AKAP9: variants seen among roughly 807,000 people sequenced by gnomAD.
AKAP9 encodes A-kinase anchoring protein 9, also known as A-kinase anchor protein 9.
In AKAP9, 311 loss-of-function variants were observed where a neutral mutation model predicts 488.5. The observed-to-expected ratio is 0.64, with a 90% CI of 0.58 to 0.70. The LOEUF is 0.70. Among genes scored for constraint, AKAP9 ranks in the 30% least tolerant of loss-of-function variants. The pLI, the probability that AKAP9 is intolerant of heterozygous loss-of-function variation, is 0.00. For synonymous variants in AKAP9, 1,462 were observed against 1,483.5 expected, an observed-to-expected ratio of 0.99 and a Z score of 0.33; for missense variants, 4,215 against 4,374.5, an observed-to-expected ratio of 0.96 and a Z score of 1.03.
Position 92,096,779 on chromosome 7 carries a change from C to A in AKAP9, c.9820C>A (p.Gln3274Lys). 1 of 1,614,152 alleles carries A rather than the reference C, an allele frequency of 6.2e-7. No homozygotes were observed. The stretch of plus-strand genomic sequence containing the variant: ...ACAGAAACAACTACTGAACGAATCC[C>A]AGCAAAAAATAGAATCACAGAGAAT... ...EQQKQLLNES[Q>K]QKIESQRMLY... The change falls in exon 41 of 50, where the codon CAG becomes AAG. Residue 3274 changes from glutamine (Q) to lysine (K), a missense_variant. Physicochemically the swap from Gln to Lys is moderately conservative, Grantham distance 53 (BLOSUM62 1). Transcript: ENST00000356239.
At chr7:91,948,605 CTTTTTTTTTTTT>C (rs55928500) in intron 1 of AKAP9, among the ~76,000 whole-genome samples, 5 of 107,560 alleles carry the variant, frequency 4.6e-5, no homozygotes, top group East Asian at 2.5e-4. Context: ...TTGTAGATTT[CTTTTTTTTTTTT>C]TTTTTTTTTT....
At chr7:92,097,416 T>C in intron 41 of AKAP9, 59 bp downstream of exon 41, 2 of 1,580,456 alleles carry the variant, frequency 1.3e-6, no homozygotes, top group Non-Finnish European at 1.7e-6. Flanking sequence ...CCTTTGATCA[T>C]TAAATTTTGA....
Position 92,102,727 on chromosome 7 carries a change from G to T in AKAP9, c.11231G>T (p.Gly3744Val). Residue 3744 changes from glycine to valine, a missense_variant, in exon 46 of 50, where the codon GGG becomes GTG. By Grantham distance (109) the Gly-to-Val change is moderately radical. Transcript: ENST00000356239. The part of the protein sequence containing the change: ...DATLALLARM[G>V]GQPAFTDLEV... ...ACCTTGGCCCTGCTTGCCCGGATGG[G>T]GGGGCAGCCAGCTTTCACGGATCTA... 6.2e-7 allele frequency: 1 copy of T among 1,614,212 alleles called. No homozygotes were observed. Among genetic ancestry groups the T allele is most frequent in the Non-Finnish European group, 8.5e-7 (1 of 1,180,042 alleles).
chr7:92,109,796 C>A (rs1819073534), intron 49 of AKAP9, among the ~76,000 whole-genome samples: 1 of 152,044 alleles, frequency 6.6e-6, no homozygotes, highest in African/African-American at 2.4e-5. Context: ...ACTAAAAATA[C>A]AAAAATTTGC....
In AKAP9 at chr7:92,070,967, A is replaced by G. The variant is rs1264024189; in HGVS notation, c.6570A>G (p.Gln2190=). Reference sequence around the variant, plus strand: ...AACCAGAATTGTCCCTAGAAGTACAATTGCAGGCTGAACGAGATGCCATAG... The same window carrying G: ...AACCAGAATTGTCCCTAGAAGTACAGTTGCAGGCTGAACGAGATGCCATAG... ...EAKPELSLEV[Q]LQAERDAIDR... is the part of the protein sequence containing the mutation. The change falls in exon 28 of 50, where the codon CAA becomes CAG. Residue 2190 remains glutamine (Q), a synonymous_variant. Coordinates refer to ENST00000356239, the MANE Select transcript of AKAP9 (RefSeq NM_005751.5). 3 of 1,614,100 alleles carry G rather than the reference A, an allele frequency of 1.9e-6. No homozygotes were observed. The highest frequency in any genetic ancestry group is 1.1e-5 in the South Asian group (1 of 91,078).
At chr7:92,048,363 T>C (rs1414983750) in intron 21 of AKAP9, among the ~76,000 whole-genome samples, 1 of 152,222 alleles carries the variant, frequency 6.6e-6, no homozygotes, top group Non-Finnish European at 1.5e-5. Context: ...TGCTAATATT[T>C]GCTTCCTCAT....
chr7:91,973,312 T>C (rs1795306114), intron 1 of AKAP9, among the ~76,000 whole-genome samples: 1 of 152,074 alleles, frequency 6.6e-6, no homozygotes, highest in Admixed American at 6.5e-5. Flanking sequence ...GCCCAGAAAG[T>C]TGAGGTGAGC....
intron 45 of AKAP9, among the ~76,000 whole-genome samples, chr7:92,101,923 A>G (rs945337553): frequency 1.3e-5 from 2 of 152,052 alleles, no homozygotes; most frequent in Non-Finnish European, 2.9e-5. Flanking sequence ...TCGGGAGGCC[A>G]AGGTGGGTGG....
chr7:92,070,850 T>G, intron 27 of AKAP9, 55 bp from the exon 28 acceptor site: 8 of 1,118,142 alleles, frequency 7.2e-6, no homozygotes, highest in African/African-American at 1.7e-5. Flanking sequence ...AAAAAAAAAC[T>G]GGATAATCAG....
chr7:92,109,771 T>A (rs1330469123), intron 49 of AKAP9, among the ~76,000 whole-genome samples: 1 of 152,066 alleles, frequency 6.6e-6, no homozygotes, highest in Non-Finnish European at 1.5e-5. Context: ...GCCAACATGG[T>A]GAAACCCCGT....
intron 33 of AKAP9, among the ~76,000 whole-genome samples, chr7:92,083,989 C>T (rs1466464167): frequency 1.3e-5 from 2 of 152,162 alleles, no homozygotes; most frequent in African/African-American, 2.4e-5. Context: ...CACCTCACCC[C>T]CGACAGGCCC....
Position 92,093,324 on chromosome 7 carries a change from A to G in AKAP9, c.9578+8A>G, listed in dbSNP as rs769749294. ...AGAATTGGAGGCTTTCAGGTGTGCCAGGCTTCCTTATTAAAAACATGTAAC... is the reference window on the plus strand; with the variant it reads ...AGAATTGGAGGCTTTCAGGTGTGCCGGGCTTCCTTATTAAAAACATGTAAC... On this transcript the variant is annotated splice_region_variant and intron_variant, in intron 39 of 49. Transcript: ENST00000356239. The G allele has an allele frequency of 3.1e-6, 5 of 1,612,946 alleles. No homozygotes were observed. The South Asian group carries it at 5.5e-5, about 18-fold the overall frequency.
At position 91,995,612 on chromosome 7, in the gene AKAP9, A is replaced by G. The variant is rs1402311937; in HGVS notation, c.742A>G (p.Ser248Gly). Reference sequence around the variant, plus strand: ...TTCTTTCTATTTTCAGTTACAGGCTAGTGAAACTCTGAGAAACAGCACTCA... The same window carrying G: ...TTCTTTCTATTTTCAGTTACAGGCTGGTGAAACTCTGAGAAACAGCACTCA... The part of the protein sequence containing the change: ...LQIQFQQLQA[S>G]ETLRNSTHSS... Residue 248 changes from serine (S) to glycine (G), a missense_variant, in exon 7 of 50, where the codon AGT becomes GGT. This residue lies in a region of AKAP9 where 2,361 missense variants were observed against 2,430.0 expected (regional missense o/e 0.97). Coordinates refer to ENST00000356239, the MANE Select transcript of AKAP9 (RefSeq NM_005751.5). 2 of 1,613,948 alleles carry G rather than the reference A, an allele frequency of 1.2e-6. No individual in the cohort carries two copies. The highest frequency in any genetic ancestry group is 1.1e-5 in the South Asian group (1 of 91,078).
intron 48 of AKAP9, 35 bp downstream of exon 48, chr7:92,107,457 A>C: frequency 6.3e-7 from 1 of 1,599,648 alleles, no homozygotes; most frequent in Non-Finnish European, 8.6e-7. Context: ...GGAATTGTTA[A>C]ATGTATTAAT....
At chr7:92,075,090 TAAAA>T (rs113217081) in intron 28 of AKAP9, among the ~76,000 whole-genome samples, 4 of 150,764 alleles carry the variant, frequency 2.7e-5, no homozygotes. Flanking sequence ...AGTCAAAAAT[TAAAA>T]AAAAAATAAA....
At chr7:92,003,321 T>C in intron 8 of AKAP9, 86 bp downstream of exon 8, 1 of 1,025,586 alleles carries the variant, frequency 9.8e-7, no homozygotes, top group East Asian at 2.4e-5. Flanking sequence ...GAACATAAGT[T>C]CATATCCTTA....
intron 46 of AKAP9, 91 bp downstream of exon 46, chr7:92,102,917 C>G: frequency 8.6e-7 from 1 of 1,168,454 alleles, no homozygotes; most frequent in African/African-American, 1.5e-5. Context: ...GCTGGTTATA[C>G]TCTATATTTA....
intron 24 of AKAP9, 33 bp downstream of exon 24, chr7:92,062,519 C>T: frequency 1.3e-6 from 2 of 1,579,516 alleles, no homozygotes; most frequent in African/African-American, 1.3e-5. Flanking sequence ...TGAAACAGTC[C>T]TCTGATTTTA....
At chr7:92,107,201 A>G (rs1818648641) in intron 47 of AKAP9, 92 bp from the exon 48 acceptor site, 2 of 1,213,278 alleles carry the variant, frequency 1.6e-6, no homozygotes, top group East Asian at 2.3e-5. Context: ...ATATAGTATA[A>G]TAGTCTTTTG....
Sources: allele counts gnomAD v4.1 joint callset (sites outside exome capture counted in the v4.1 genomes callset), GRCh38; gene constraint gnomAD v4.1.1; regional missense constraint gnomAD v4.1.1; transcripts MANE v1.5; gene names NCBI Gene and HGNC (gene_info 2026-07-23, HGNC 2026-07-21).